The following C1orf167 variants were observed in gnomAD, a reference collection of about 807,000 sequenced individuals.
The protein encoded by C1orf167 is chromosome 1 open reading frame 167.
C1orf167 carries 153 observed loss-of-function variants against 176.5 expected under a neutral mutation model. The ratio of observed to expected loss-of-function variants is 0.87; its 90% CI spans 0.76 to 0.99. C1orf167 has a LOEUF of 0.99. Ranked by LOEUF, C1orf167 falls within the 50% of genes least tolerant of loss-of-function variation. C1orf167 has a pLI of 0.00. For missense variants in C1orf167, 1,490 were observed against 1,817.7 expected, an observed-to-expected ratio of 0.82 and a Z score of 3.28; for synonymous variants, 594 against 752.7, an observed-to-expected ratio of 0.79 and a Z score of 3.45.
At chr1:11,767,856 G>C (rs1238433275) in intron 4 of C1orf167, among the ~76,000 whole-genome samples, 1 of 152,000 alleles carries the variant, frequency 6.6e-6, no homozygotes, top group East Asian at 1.9e-4. Context: ...GAAATAAAGA[G>C]GGCATTCTCC....
Position 11,787,860 on chromosome 1 carries a change from C to T in C1orf167, c.3674-13C>T. ...CCCACCTTAACCTCTTGTGACTCAA[C>T]TCCCCTTTCCAGGGTGCAGGGAACA... On this transcript the variant is annotated splice_polypyrimidine_tract_variant and intron_variant, in intron 17 of 20. Transcript: ENST00000688073. The T allele has an allele frequency of 8.3e-7, 1 of 1,208,856 alleles. No individual in the cohort carries two copies. Among genetic ancestry groups the T allele is most frequent in the Non-Finnish European group, 1.1e-6 (1 of 941,748 alleles). The allele number at this position is 1,208,856 out of a possible 1,614,324, so 74.9% of individuals were successfully genotyped here. A position where few individuals can be genotyped will look rare whatever the true frequency, so the allele number is the denominator to read the frequency against.
intron 8 of C1orf167, among the ~76,000 whole-genome samples, chr1:11,774,665 G>A (rs1258763052): frequency 6.6e-5 from 10 of 152,168 alleles, no homozygotes; most frequent in Non-Finnish European, 1.5e-4. Context: ...CAGGGTAGGG[G>A]GGCTGAGGGT....
At chr1:11,762,344 A>G (rs1642546493) in intron 1 of C1orf167, 39 bp downstream of exon 1, 5 of 350,094 alleles carry the variant, frequency 1.4e-5, no homozygotes, top group East Asian at 7.7e-5. Flanking sequence ...CTGACCTCAG[A>G]CTCTTTTGGT....
chr1:11,776,665 G>C, intron 10 of C1orf167, 27 bp downstream of exon 10: 2 of 1,194,292 alleles, frequency 1.7e-6, no homozygotes, highest in Non-Finnish European at 2.1e-6. Context: ...TTGTGACCTG[G>C]GGTTGGGCCT....
rs1023196280 is a variant in C1orf167, at chr1:11,788,656, G to A, written c.4083G>A (p.Gln1361=). The A allele has an allele frequency of 7.7e-7, 1 of 1,304,202 alleles. No homozygotes were observed. The highest frequency in any genetic ancestry group is 1.5e-5 in the African/African-American group (1 of 65,880). The allele number at this position is 1,304,202 out of a possible 1,614,324, so 80.8% of individuals were successfully genotyped here. The change falls in exon 20 of 21, where the codon CAG becomes CAA. Residue 1361 remains glutamine (Q), a synonymous_variant. Coordinates refer to ENST00000688073, the MANE Select transcript of C1orf167 (RefSeq NM_001010881.2). The part of the protein sequence containing the change: ...RGRAAGADPA[Q]GVAPEMGLAD... ...CTCTGCCAACTGTCCCCAAAGCTCA[G>A]GGAGTGGCACCTGAGATGGGCCTGG...
rs1642903058 is a variant in C1orf167 at position 11,768,343 on chromosome 1, T to C, written c.1542+68T>C. On this transcript the variant is annotated intron_variant, in intron 5 of 20. Coordinates refer to ENST00000688073, the MANE Select transcript of C1orf167 (RefSeq NM_001010881.2). The surrounding 1 kb of genome is among the most constrained non-coding windows in gnomAD (Gnocchi z 4.5). Reference sequence around the variant, plus strand: ...TGGTGTGTCTGGGGAGGAGACTCAGTCTACGGAGAGGACACCCACTGGGCA... The same window carrying C: ...TGGTGTGTCTGGGGAGGAGACTCAGCCTACGGAGAGGACACCCACTGGGCA... 1 of 1,245,942 alleles carries C rather than the reference T, an allele frequency of 8.0e-7. No homozygotes were observed. Among genetic ancestry groups the C allele is most frequent in the Admixed American group, 2.4e-5 (1 of 41,502 alleles). The allele number at this position is 1,245,942 out of a possible 1,614,324, so 77.2% of individuals were successfully genotyped here. A position where few individuals can be genotyped will look rare whatever the true frequency, so the allele number is the denominator to read the frequency against.
At chr1:11,771,436 G>C (rs533166781) in intron 6 of C1orf167, 88 bp from the exon 7 acceptor site, 27 of 745,040 alleles carry the variant, frequency 3.6e-5, no homozygotes, top group South Asian at 8.8e-5. Context: ...AGGGCAGACC[G>C]CACCTGCCTG....
chr1:11,767,111 G>A (rs780525909), intron 3 of C1orf167, 26 bp downstream of exon 3: 2 of 1,259,290 alleles, frequency 1.6e-6, no homozygotes, highest in Non-Finnish European at 2.1e-6. Flanking sequence ...GGCTGGAGGT[G>A]GGGTAGGGGG....
chr1:11,767,017 G>C lies in C1orf167; in HGVS notation c.1231G>C (p.Val411Leu), dbSNP rs1027735677. Residue 411 changes from valine to leucine, a missense_variant, in exon 3 of 21, where the codon GTC becomes CTC. Physicochemically the swap from Val to Leu is conservative, Grantham distance 32. Coordinates refer to ENST00000688073, the MANE Select transcript of C1orf167 (RefSeq NM_001010881.2). The part of the protein sequence containing the change: ...KGEEGAPRER[V>L]HREEERTAFH... ...AGAGGAGGGGGCCCCGAGGGAGCGG[G>C]TCCACAGGGAGGAGGAGAGGACAGC... The C allele has an allele frequency of 2.5e-6, 3 of 1,215,712 alleles. No individual in the cohort carries two copies. The highest frequency in any genetic ancestry group is 1.6e-5 in the African/African-American group (1 of 63,754). 75.3% of individuals were successfully genotyped at this position (1,215,712 alleles called of 1,614,324 possible). A position where few individuals can be genotyped will look rare whatever the true frequency, so the allele number is the denominator to read the frequency against.
intron 16 of C1orf167, chr1:11,786,538 C>T (rs764347204): frequency 2.0e-5 from 3 of 151,658 alleles, no homozygotes; most frequent in Non-Finnish European, 2.9e-5. Flanking sequence ...AGGGCTCAAA[C>T]GATCCTCCCA....
chr1:11,772,839 A>C lies in C1orf167; in HGVS notation c.1988+580A>C, dbSNP rs143531264. Among the ~76,000 whole-genome samples, 207 of 151,668 alleles carry C rather than the reference A, an allele frequency of 1.4e-3. 2 individuals carry two copies. The highest frequency in any genetic ancestry group is 4.9e-3 in the African/African-American group (201 of 41,370). On this transcript the variant is annotated intron_variant, in intron 8 of 20. Coordinates refer to ENST00000688073, the MANE Select transcript of C1orf167 (RefSeq NM_001010881.2). ...CTTAAGTGTTGTGAAGAGAAGGAAC[A>C]CAGATCTATGAGTTTCTTTTTTTGC...
At chr1:11,779,577 G>A in intron 12 of C1orf167, 1 of 315,528 alleles carries the variant, frequency 3.2e-6, no homozygotes. Context: ...GGACTTGGCA[G>A]TGGGGGTCTA....
chr1:11,787,591 C>T (rs1246972255), intron 17 of C1orf167, 98 bp downstream of exon 17: 16 of 899,324 alleles, frequency 1.8e-5, no homozygotes, highest in African/African-American at 1.2e-4. Flanking sequence ...CCTTGGGACA[C>T]GGTCTTATGT....
intron 8 of C1orf167, among the ~76,000 whole-genome samples, chr1:11,773,182 C>G (rs1450493510): frequency 6.6e-6 from 1 of 151,620 alleles, no homozygotes; most frequent in African/African-American, 2.4e-5. Context: ...CATGAGCCAC[C>G]GCACCCGGCC....
intron 14 of C1orf167, among the ~76,000 whole-genome samples, chr1:11,782,903 T>G (rs1643659232): frequency 8.1e-6 from 1 of 124,060 alleles, no homozygotes; most frequent in African/African-American, 3.1e-5. Context: ...TGGGCGACAG[T>G]GCGAGACTCC....
chr1:11,764,213 GC>G (rs1285166099), intron 1 of C1orf167, 117 bp from the exon 2 acceptor site: 1 of 386,500 alleles, frequency 2.6e-6, no homozygotes, highest in Non-Finnish European at 5.1e-6. Context: ...TGAGGGGCAG[GC>G]CCCAGGCAGC....
At chr1:11,767,853 A>C (rs1259689973) in intron 4 of C1orf167, among the ~76,000 whole-genome samples, 1 of 152,074 alleles carries the variant, frequency 6.6e-6, no homozygotes, top group Non-Finnish European at 1.5e-5. Context: ...AAAGAAATAA[A>C]GAGGGCATTC....
Position 11,766,806 on chromosome 1 carries a change from T to C in C1orf167, c.1020T>C (p.Asn340=). The change falls in exon 3 of 21, where the codon AAT becomes AAC. Residue 340 remains asparagine, a synonymous_variant. Coordinates refer to ENST00000688073, the MANE Select transcript of C1orf167 (RefSeq NM_001010881.2). This position sits in a 1 kb window ranked among gnomAD's most constrained non-coding sequence, Gnocchi z 4.5. ...GGACACGGACCAAGGATTCCCTTAA[T>C]CCTGAGCAGGGGCTCCCTCCTGCCC... ...TLGTRTKDSL[N]PEQGLPPAHP... is the part of the protein sequence containing the mutation. 2.3e-6 allele frequency: 3 copies of C among 1,289,420 alleles called. No homozygotes were observed. Among genetic ancestry groups the C allele is most frequent in the Non-Finnish European group, 3.0e-6 (3 of 988,722 alleles). 79.9% of individuals were successfully genotyped at this position (1,289,420 alleles called of 1,614,324 possible). A position where few individuals can be genotyped will look rare whatever the true frequency, so the allele number is the denominator to read the frequency against.
intron 1 of C1orf167, among the ~76,000 whole-genome samples, chr1:11,763,309 C>T (rs1642616239): frequency 6.6e-6 from 1 of 152,058 alleles, no homozygotes; most frequent in Non-Finnish European, 1.5e-5. Context: ...GGCGTGGTGG[C>T]ATGTGCCTGT....
Sources: gnomAD v4.1 joint callset for allele counts (sites outside exome capture counted in the v4.1 genomes callset) on GRCh38, gnomAD v4.1.1 for gene constraint, Gnocchi (gnomAD v3.1) non-coding constraint, MANE v1.5 for transcripts, NCBI Gene and HGNC (gene_info 2026-07-23, HGNC 2026-07-21) for gene names.